The following GRIN2A variants were observed in gnomAD, a reference collection of about 807,000 sequenced individuals.
The protein encoded by GRIN2A is glutamate ionotropic receptor NMDA type subunit 2A.
GRIN2A carries 22 observed loss-of-function variants against 113.4 expected under a neutral mutation model. That is an observed-to-expected ratio of 0.19 (90% confidence interval 0.14 to 0.28). The LOEUF (loss-of-function observed/expected upper bound fraction) is 0.28, where lower values mean the gene tolerates loss of function less well. GRIN2A is among the 10% of genes least tolerant of loss of function. The pLI is 1.00. For missense variants in GRIN2A, 1,502 were observed against 1,887.0 expected, an observed-to-expected ratio of 0.80 and a Z score of 3.78; for synonymous variants, 827 against 738.4, an observed-to-expected ratio of 1.12 and a Z score of -1.94.
intron 3 of GRIN2A, among the ~76,000 whole-genome samples, chr16:9,897,157 GT>G (rs1439785553): frequency 6.8e-6 from 1 of 146,278 alleles, no homozygotes; most frequent in Non-Finnish European, 1.5e-5. Flanking sequence ...GTGCTAAGTT[GT>G]TTTTTATTGC....
At chr16:10,029,795 G>A (rs1184088329) in intron 2 of GRIN2A, among the ~76,000 whole-genome samples, 1 of 136,576 alleles carries the variant, frequency 7.3e-6, no homozygotes, top group East Asian at 2.2e-4. Context: ...TCTGGAGTTC[G>A]AGACCAGCCT....
chr16:10,024,435 G>T (rs1211562459), intron 2 of GRIN2A, among the ~76,000 whole-genome samples: 1 of 152,184 alleles, frequency 6.6e-6, no homozygotes, highest in Non-Finnish European at 1.5e-5. Context: ...AGCCAAGCTG[G>T]TCTCAAACTC....
chr16:9,860,347 T>A (rs2043043831), intron 4 of GRIN2A, among the ~76,000 whole-genome samples: 1 of 147,604 alleles, frequency 6.8e-6, no homozygotes, highest in Admixed American at 6.9e-5. Context: ...ACTCGGGAAG[T>A]TGAGGCATGA....
intron 2 of GRIN2A, among the ~76,000 whole-genome samples, chr16:9,951,421 G>A (rs565736711): frequency 3.9e-5 from 6 of 152,306 alleles, no homozygotes; most frequent in South Asian, 2.1e-4. Context: ...ACAGAGCAAC[G>A]CTAAATTCTC....
At chr16:9,990,258 A>G (rs1488162431) in intron 2 of GRIN2A, among the ~76,000 whole-genome samples, 1 of 152,186 alleles carries the variant, frequency 6.6e-6, no homozygotes, top group African/African-American at 2.4e-5. Flanking sequence ...GAAGGCCATT[A>G]TCCTAAGTGG....
At chr16:9,839,728 T>C (rs554984907) in intron 7 of GRIN2A, among the ~76,000 whole-genome samples, 9 of 152,168 alleles carry the variant, frequency 5.9e-5, no homozygotes, top group Non-Finnish European at 1.3e-4. Flanking sequence ...CTAAGCAATA[T>C]ATCTATTAAT....
chr16:10,102,640 A>G (rs2048422568), intron 2 of GRIN2A, among the ~76,000 whole-genome samples: 1 of 151,858 alleles, frequency 6.6e-6, no homozygotes, highest in African/African-American at 2.4e-5. Flanking sequence ...TTCGCCTCCT[A>G]GGTTCAAGCA....
At chr16:10,142,122 A>G (rs1377969086) in intron 2 of GRIN2A, among the ~76,000 whole-genome samples, 1 of 152,176 alleles carries the variant, frequency 6.6e-6, no homozygotes, top group African/African-American at 2.4e-5. Context: ...CCCATGTCCT[A>G]CCATTCCAGG....
At chr16:9,908,782 T>C (rs1181202539) in intron 3 of GRIN2A, among the ~76,000 whole-genome samples, 1 of 152,094 alleles carries the variant, frequency 6.6e-6, no homozygotes, top group East Asian at 1.9e-4. Flanking sequence ...AGTGGCAAGA[T>C]GGATTGCGTC....
At chr16:10,130,879 G>A (rs1042473923) in intron 2 of GRIN2A, among the ~76,000 whole-genome samples, 1 of 152,200 alleles carries the variant, frequency 6.6e-6, no homozygotes, top group Non-Finnish European at 1.5e-5. Context: ...CTGCCAGGGA[G>A]CTGGAACTCA....
intron 10 of GRIN2A, among the ~76,000 whole-genome samples, chr16:9,811,889 G>A (rs569898838): frequency 1.2e-4 from 18 of 152,118 alleles, no homozygotes; most frequent in South Asian, 2.1e-4. Context: ...GGCTTGGCTC[G>A]AATAGAAGAA....
At chr16:10,039,801 AG>A (rs761949844) in intron 2 of GRIN2A, among the ~76,000 whole-genome samples, 152 of 12,728 alleles carry the variant, frequency 0.012, 4 homozygotes, top group East Asian at 0.08. Context: ...GGGGAGGGGG[AG>A]GGGGGGGAGA....
intron 2 of GRIN2A, among the ~76,000 whole-genome samples, chr16:10,164,395 CCT>C (rs1324746802): frequency 6.6e-6 from 1 of 152,178 alleles, no homozygotes; most frequent in Non-Finnish European, 1.5e-5. Context: ...AAAACCTCAC[CCT>C]GCCTCTGCTT....
chr16:9,959,258 C>T (rs2045377790), intron 2 of GRIN2A, among the ~76,000 whole-genome samples: 1 of 152,194 alleles, frequency 6.6e-6, no homozygotes, highest in South Asian at 2.1e-4. Flanking sequence ...CATCTCCAAT[C>T]TCCTAAGAGA....
chr16:10,131,193 C>A (rs11644511), intron 2 of GRIN2A, among the ~76,000 whole-genome samples: 23,647 of 152,000 alleles, frequency 0.16, 2,471 homozygotes, highest in East Asian at 0.36. Context: ...TGTGGGTGAT[C>A]GATAAATATT....
intron 2 of GRIN2A, among the ~76,000 whole-genome samples, chr16:9,953,599 T>C (rs1000622837): frequency 6.6e-6 from 1 of 151,980 alleles, no homozygotes; most frequent in Non-Finnish European, 1.5e-5. Flanking sequence ...GGGGCGGTAG[T>C]TGTTGACAGC....
intron 4 of GRIN2A, 40 bp from the exon 5 acceptor site, chr16:9,850,001 G>A (rs374947515): frequency 2.6e-5 from 41 of 1,554,362 alleles, no homozygotes; most frequent in South Asian, 1.2e-4. Context: ...GCTTTCTTCC[G>A]CCGCTGATTT....
At chr16:9,931,707 C>T (rs185015224) in intron 3 of GRIN2A, among the ~76,000 whole-genome samples, 2 of 152,272 alleles carry the variant, frequency 1.3e-5, no homozygotes, top group Non-Finnish European at 2.9e-5. Context: ...GTGTCCCCTC[C>T]GCTGTGGAAT....
intron 2 of GRIN2A, among the ~76,000 whole-genome samples, chr16:10,004,044 A>G (rs1277437516): frequency 6.6e-6 from 1 of 152,076 alleles, no homozygotes; most frequent in East Asian, 1.9e-4. Context: ...ATGAAAGGGA[A>G]TCAAAAGGGG....
Sources: gnomAD v4.1 joint callset for allele counts (sites outside exome capture counted in the v4.1 genomes callset) on GRCh38, gnomAD v4.1.1 for gene constraint, MANE v1.5 for transcripts, NCBI Gene and HGNC (gene_info 2026-07-23, HGNC 2026-07-21) for gene names.